ME1: variants seen among roughly 807,000 people sequenced by gnomAD.
ME1 encodes the protein malic enzyme 1, also known as NADP-dependent malic enzyme.
ME1 carries 74 observed loss-of-function variants against 66.4 expected under a neutral mutation model. The ratio of observed to expected loss-of-function variants is 1.11; its 90% confidence interval spans 0.92 to 1.35. The LOEUF is 1.35. Ranked by LOEUF, ME1 falls within the 40% of genes most tolerant of loss-of-function variation. The probability of loss-of-function intolerance (pLI) is 0.00; values close to 1 mark genes in which losing one functional copy is unlikely to be tolerated. For synonymous variants in ME1, 251 were observed against 235.6 expected, an observed-to-expected ratio of 1.07 and a Z score of -0.60; for missense variants, 750 against 694.1, an observed-to-expected ratio of 1.08 and a Z score of -0.90.
intron 6 of ME1, among the ~76,000 whole-genome samples, chr6:83,310,329 C>T (rs573965433): frequency 6.6e-6 from 1 of 152,260 alleles, no homozygotes; most frequent in South Asian, 2.1e-4. Flanking sequence ...CAGAGTTCCC[C>T]ACGGGATCAG....
chr6:83,298,143 C>T (rs1767637457), intron 6 of ME1, among the ~76,000 whole-genome samples: 1 of 152,170 alleles, frequency 6.6e-6, no homozygotes, highest in African/African-American at 2.4e-5. Flanking sequence ...ATCACACTGT[C>T]TTCCACAATG....
At chr6:83,314,554 T>C (rs911056806) in intron 6 of ME1, among the ~76,000 whole-genome samples, 2 of 152,238 alleles carry the variant, frequency 1.3e-5, no homozygotes, top group Non-Finnish European at 2.9e-5. Context: ...ACATAAACTT[T>C]GTTTTACACA....
chr6:83,430,443 A>C (rs1770464407), intron 1 of ME1, among the ~76,000 whole-genome samples: 1 of 152,222 alleles, frequency 6.6e-6, no homozygotes, highest in Admixed American at 6.5e-5. Flanking sequence ...TTCTCGCCTT[A>C]TCAACTTCCA....
chr6:83,330,805 A>G (rs887518371), intron 5 of ME1, among the ~76,000 whole-genome samples: 1 of 152,232 alleles, frequency 6.6e-6, no homozygotes, highest in Admixed American at 6.5e-5. Context: ...TAAATTCTTG[A>G]TAAAATCTAT....
intron 3 of ME1, among the ~76,000 whole-genome samples, chr6:83,354,273 C>G (rs1287463189): frequency 6.6e-6 from 1 of 152,076 alleles, no homozygotes; most frequent in Non-Finnish European, 1.5e-5. Context: ...ATTACAGGCG[C>G]CTGCCACCAC....
intron 9 of ME1, among the ~76,000 whole-genome samples, chr6:83,235,002 T>A (rs1169549036): frequency 6.6e-6 from 1 of 152,208 alleles, no homozygotes. Context: ...ATGAAAGGCA[T>A]CATCTTTAGC....
chr6:83,390,767 C>T (rs1157465194), intron 3 of ME1, among the ~76,000 whole-genome samples: 3 of 152,058 alleles, frequency 2.0e-5, no homozygotes, highest in Non-Finnish European at 2.9e-5. Context: ...ACAAATACCT[C>T]CACCTAGATT....
chr6:83,232,881 A>G (rs1324975611), intron 9 of ME1, among the ~76,000 whole-genome samples: 4 of 152,164 alleles, frequency 2.6e-5, no homozygotes, highest in East Asian at 1.9e-4. Flanking sequence ...ACATTTAACT[A>G]TAAGTCAGAA....
chr6:83,428,157 A>T (rs1489791995), intron 1 of ME1, among the ~76,000 whole-genome samples: 1 of 152,226 alleles, frequency 6.6e-6, no homozygotes, highest in East Asian at 1.9e-4. Flanking sequence ...TAAATCAACT[A>T]AGACATTTTC....
At chr6:83,370,144 A>G (rs1769169204) in intron 3 of ME1, among the ~76,000 whole-genome samples, 1 of 152,192 alleles carries the variant, frequency 6.6e-6, no homozygotes, top group African/African-American at 2.4e-5. Flanking sequence ...ACTAAAATGG[A>G]TAAAGTTAGG....
At chr6:83,428,591 C>G (rs1356947851) in intron 1 of ME1, among the ~76,000 whole-genome samples, 9 of 152,038 alleles carry the variant, frequency 5.9e-5, no homozygotes, top group African/African-American at 2.2e-4. Context: ...TAAAAATAAG[C>G]CAAAACATTC....
chr6:83,314,869 C>T (rs543538193), intron 6 of ME1, among the ~76,000 whole-genome samples: 2 of 152,290 alleles, frequency 1.3e-5, no homozygotes, highest in African/African-American at 4.8e-5. Context: ...GCTCAATCCC[C>T]ACCTCTTTTT....
chr6:83,419,403 C>CA lies in ME1; in HGVS notation c.78+11473dup, dbSNP rs544317091. The stretch of plus-strand genomic sequence containing the variant: ...TCTATAAAATTCACATACATACTCC[C>CA]ACCTGAAACATTTTTCTTTATAACA... On this transcript the variant is annotated intron_variant, in intron 1 of 13. Transcript: ENST00000369705. Among the ~76,000 whole-genome samples, 12 of 152,314 alleles carry CA rather than the reference C, an allele frequency of 7.9e-5. No individual in the cohort carries two copies. In the East Asian group the frequency reaches 2.3e-3, roughly 29 times the overall value.
chr6:83,265,783 A>T (rs1766977852), intron 6 of ME1, among the ~76,000 whole-genome samples: 1 of 152,216 alleles, frequency 6.6e-6, no homozygotes, highest in African/African-American at 2.4e-5. Flanking sequence ...TTATGCAATG[A>T]TGCTGCAACT....
chr6:83,344,829 G>A (rs1167274294), intron 5 of ME1, among the ~76,000 whole-genome samples: 2 of 151,750 alleles, frequency 1.3e-5, no homozygotes, highest in African/African-American at 2.4e-5. Context: ...GTTGCAGTGA[G>A]CGGAGATCAG....
At chr6:83,222,796 T>C (rs1380831059) in intron 12 of ME1, among the ~76,000 whole-genome samples, 2 of 152,206 alleles carry the variant, frequency 1.3e-5, no homozygotes, top group African/African-American at 4.8e-5. Context: ...TATGAAATTG[T>C]GGCTAACTTG....
intron 3 of ME1, among the ~76,000 whole-genome samples, chr6:83,358,334 C>A (rs574550032): frequency 2.0e-5 from 3 of 152,024 alleles, no homozygotes; most frequent in African/African-American, 7.2e-5. Context: ...GGTGAACCAA[C>A]GACCATAATA....
intron 6 of ME1, among the ~76,000 whole-genome samples, chr6:83,271,022 T>TAA (rs574960807): frequency 1.2e-4 from 15 of 120,206 alleles, no homozygotes; most frequent in African/African-American, 3.1e-4. Flanking sequence ...GGTGAAGGAG[T>TAA]AAAAAAAAAA....
At chr6:83,301,531 TG>T (rs1237278694) in intron 6 of ME1, among the ~76,000 whole-genome samples, 1 of 152,012 alleles carries the variant, frequency 6.6e-6, no homozygotes, top group Non-Finnish European at 1.5e-5. Flanking sequence ...TTAGTAGACA[TG>T]GGGTTTCACC....
Sources: gnomAD v4.1 joint callset for allele counts (sites outside exome capture counted in the v4.1 genomes callset) on GRCh38, gnomAD v4.1.1 for gene constraint, MANE v1.5 for transcripts, NCBI Gene and HGNC (gene_info 2026-07-23, HGNC 2026-07-21) for gene names.